NFIB: variants seen among roughly 807,000 people sequenced by gnomAD.
NFIB encodes the protein nuclear factor 1 B-type.
Under a neutral mutation model 61.5 loss-of-function variants are expected in NFIB, and 11 were observed. The ratio of observed to expected loss-of-function variants is 0.18; its 90% CI spans 0.11 to 0.30. NFIB has a LOEUF of 0.30. Among genes scored for constraint, NFIB ranks in the 10% least tolerant of loss-of-function variants. The pLI is 1.00. For synonymous variants in NFIB, 260 were observed against 216.5 expected, an observed-to-expected ratio of 1.20 and a Z score of -1.76; for missense variants, 471 against 608.9, an observed-to-expected ratio of 0.77 and a Z score of 2.38.
chr9:14,322,308 T>TGCGCCCGCGTGTGCGTGTGTGC (rs1564007830), intron 1 of NFIB: 1 of 299,146 alleles, frequency 3.3e-6, no homozygotes, highest in Non-Finnish European at 6.0e-6. Flanking sequence ...TGTGTGTGTG[T>TGCGCCCGCGTGTGCGTGTGTGC]GCGCCCGCGT....
At chr9:14,360,105 A>G (rs2061220944) in intron 1 of NFIB, among the ~76,000 whole-genome samples, 1 of 152,242 alleles carries the variant, frequency 6.6e-6, no homozygotes, top group African/African-American at 2.4e-5. Context: ...TATTTAAATG[A>G]GGCATAACTA....
Position 14,398,685 on chromosome 9 carries a change from G to A in NFIB, c.-54C>T, listed in dbSNP as rs758447471. The A allele has an allele frequency of 2.9e-4, 381 of 1,313,634 alleles. 1 individual carries two copies. Among genetic ancestry groups the A allele is most frequent in the Middle Eastern group, 3.7e-4 (2 of 5,366 alleles). The allele number at this position is 1,313,634 out of a possible 1,614,324, so 81.4% of individuals were successfully genotyped here. A position where few individuals can be genotyped will look rare whatever the true frequency, so the allele number is the denominator to read the frequency against. On this transcript the variant is annotated 5_prime_UTR_variant, in exon 1 of 9. Transcript: ENST00000380934. Reference sequence around the variant, plus strand: ...TGTAGGCTCTGCTTCTGCCATTTGCGCTGTTTTAGAATGTTTGCTCCAGGT... The same window carrying A: ...TGTAGGCTCTGCTTCTGCCATTTGCACTGTTTTAGAATGTTTGCTCCAGGT...
chr9:14,204,007 A>C (rs183980580), intron 2 of NFIB, among the ~76,000 whole-genome samples: 62 of 152,332 alleles, frequency 4.1e-4, no homozygotes, highest in Non-Finnish European at 5.7e-4. Context: ...AAGCAAAGCC[A>C]ACACTTTCCC....
intron 3 of NFIB, among the ~76,000 whole-genome samples, chr9:14,179,265 T>A (rs1240953531): frequency 6.6e-6 from 1 of 152,122 alleles, no homozygotes; most frequent in African/African-American, 2.4e-5. Context: ...ATAAAAACTT[T>A]ATGGAATAAA....
chr9:14,084,171 GGA>G lies in NFIB; in HGVS notation c.*4136_*4137del, dbSNP rs1193381918. The G allele has an allele frequency of 5.0e-5, 10 of 201,582 alleles. No homozygotes were observed. Among genetic ancestry groups the G allele is most frequent in the Non-Finnish European group, 1.0e-4 (10 of 97,938 alleles). The allele number at this position is 201,582 out of a possible 1,614,324, so 12.5% of individuals were successfully genotyped here. A position where few individuals can be genotyped will look rare whatever the true frequency, so the allele number is the denominator to read the frequency against. On this transcript the variant is annotated 3_prime_UTR_variant, in exon 11 of 11. Coordinates refer to ENST00000380953, the MANE Select transcript of NFIB (RefSeq NM_001190737.2). ...TTTTTAATACATAACTTAAGAGACT[GGA>G]GAGTTTTAACTCAAGTCCAGTCTCT...
the NFIB span, among the ~76,000 whole-genome samples, chr9:14,420,445 CAAAA>C: frequency 2.6e-3 from 111 of 42,418 alleles, 1 homozygote; most frequent in African/African-American, 9.4e-3. Context: ...GACTCCGTCT[CAAAA>C]AAAAAAAAAA....
the NFIB span, among the ~76,000 whole-genome samples, chr9:14,470,378 T>C: frequency 4.6e-5 from 7 of 152,282 alleles, no homozygotes; most frequent in African/African-American, 1.7e-4. Context: ...ATTTGTGAGC[T>C]TTCAACTTAC....
At chr9:14,202,753 G>C (rs903733048) in intron 2 of NFIB, among the ~76,000 whole-genome samples, 1 of 152,064 alleles carries the variant, frequency 6.6e-6, no homozygotes, top group East Asian at 1.9e-4. Context: ...TATGCAAAGA[G>C]ATATCATGGA....
chr9:14,216,542 CCCTCTGTGTGTGTGTGTG>C (rs1169087111), intron 2 of NFIB, among the ~76,000 whole-genome samples: 11 of 29,460 alleles, frequency 3.7e-4, no homozygotes, highest in South Asian at 2.1e-3. Flanking sequence ...CTCTCTCTCT[CCCTCTGTGTGTGTGTGTG>C]TGTGTGTGTG....
chr9:14,190,966 G>C (rs2047883788), intron 2 of NFIB, among the ~76,000 whole-genome samples: 1 of 152,172 alleles, frequency 6.6e-6, no homozygotes, highest in African/African-American at 2.4e-5. Flanking sequence ...GCTGAGGTGG[G>C]TGGATAACCT....
At chr9:14,519,244 A>G in the NFIB span, among the ~76,000 whole-genome samples, 2 of 152,186 alleles carry the variant, frequency 1.3e-5, no homozygotes, top group African/African-American at 2.4e-5. Context: ...CGGTGCTTGT[A>G]TAAGGATATT....
rs151129771 is a variant in NFIB at position 14,082,910 on chromosome 9, C to T, written c.*5399G>A. On this transcript the variant is annotated 3_prime_UTR_variant, in exon 11 of 11. Coordinates refer to ENST00000380953, the MANE Select transcript of NFIB (RefSeq NM_001190737.2). Reference sequence around the variant, plus strand: ...GACTGGCTTTAGTGTCACTAGCTTACACTGCTTTTCATGTATTTAGGCCAC... The same window carrying T: ...GACTGGCTTTAGTGTCACTAGCTTATACTGCTTTTCATGTATTTAGGCCAC... 6.2e-4 allele frequency: 129 copies of T among 208,086 alleles called. No individual in the cohort carries two copies. Among genetic ancestry groups the T allele is most frequent in the African/African-American group, 2.8e-3 (125 of 43,968 alleles). The allele number at this position is 208,086 out of a possible 1,614,324, so 12.9% of individuals were successfully genotyped here.
the NFIB span, among the ~76,000 whole-genome samples, chr9:14,449,473 C>G: frequency 6.6e-6 from 1 of 152,076 alleles, no homozygotes; most frequent in African/African-American, 2.4e-5. Flanking sequence ...TAATAGCATT[C>G]TAAAGACAGT....
At chr9:14,146,541 T>A in intron 6 of NFIB, 148 bp downstream of exon 6, 1 of 1,197,046 alleles carries the variant, frequency 8.4e-7, no homozygotes, top group Non-Finnish European at 1.2e-6. Context: ...TTGACTAACA[T>A]TATCTCAAAA....
At chr9:14,270,622 A>G (rs1051943748) in intron 2 of NFIB, among the ~76,000 whole-genome samples, 18 of 151,420 alleles carry the variant, frequency 1.2e-4, no homozygotes, top group East Asian at 7.8e-4. Context: ...GAGGACAGAA[A>G]CAACATCAGC....
chr9:14,434,026 C>G, the NFIB span, among the ~76,000 whole-genome samples: 1 of 152,178 alleles, frequency 6.6e-6, no homozygotes, highest in Non-Finnish European at 1.5e-5. Flanking sequence ...TACTGAAGAG[C>G]TGAGCACTAA....
At chr9:14,427,952 T>TTTTTG in the NFIB span, among the ~76,000 whole-genome samples, 1 of 113,830 alleles carries the variant, frequency 8.8e-6, no homozygotes, top group African/African-American at 3.1e-5. Context: ...TTTTTTTTTT[T>TTTTTG]TTTTTTTTTT....
Position 14,083,303 on chromosome 9 carries a change from CA to C in NFIB, c.*5005del, listed in dbSNP as rs972456225. ...GGGTCAAAGGGCAAAATCAGTGGTC[CA>C]TGTTACCCCCCAACTGCAGGGCTCC... On this transcript the variant is annotated 3_prime_UTR_variant, in exon 11 of 11. Coordinates refer to ENST00000380953, the MANE Select transcript of NFIB (RefSeq NM_001190737.2). 1 of 225,854 alleles carries C rather than the reference CA, an allele frequency of 4.4e-6. No homozygotes were observed. The highest frequency in any genetic ancestry group is 2.2e-5 in the African/African-American group (1 of 44,748). The allele number at this position is 225,854 out of a possible 1,614,324, so 14.0% of individuals were successfully genotyped here.
chr9:14,493,182 A>G, the NFIB span, among the ~76,000 whole-genome samples: 1 of 152,184 alleles, frequency 6.6e-6, no homozygotes, highest in Non-Finnish European at 1.5e-5. Flanking sequence ...CAGGACCCAC[A>G]TTCGTTAAGG....
Sources: gnomAD v4.1 joint callset for allele counts (sites outside exome capture counted in the v4.1 genomes callset) on GRCh38, gnomAD v4.1.1 for gene constraint, MANE v1.5 for transcripts, NCBI Gene and HGNC (gene_info 2026-07-23, HGNC 2026-07-21) for gene names.